LRP6: variants seen among roughly 807,000 people sequenced by gnomAD.
LRP6 encodes the protein LDL receptor related protein 6.
Under a neutral mutation model 184.1 loss-of-function variants are expected in LRP6, and 43 were observed. The ratio of observed to expected loss-of-function variants is 0.23; its 90% CI spans 0.18 to 0.30. The LOEUF (loss-of-function observed/expected upper bound fraction) is 0.30. Ranked by LOEUF, LRP6 falls within the 10% of genes least tolerant of loss-of-function variation. The probability of loss-of-function intolerance (pLI) is 1.00; values close to 1 mark genes in which losing one functional copy is unlikely to be tolerated. For missense variants in LRP6, 1,571 were observed against 2,005.3 expected (o/e 0.78, Z 4.14); for synonymous variants, 719 against 684.9 (o/e 1.05, Z -0.78).
chr12:12,160,019 A>G lies in LRP6; in HGVS notation c.2280-55T>C, dbSNP rs992576331. ...TTCAATTTTTTATTATCTGGGGGAA[A>G]GAGTCATATTCATGCAAAGTAACTA... On this transcript the variant is annotated intron_variant, in intron 10 of 22. Coordinates refer to ENST00000261349, the MANE Select transcript of LRP6 (RefSeq NM_002336.3). The G allele has an allele frequency of 7.7e-6, 10 of 1,296,996 alleles. No individual in the cohort carries two copies. In the Admixed American group the frequency reaches 1.3e-4, roughly 17 times the overall value. 80.3% of individuals were successfully genotyped at this position (1,296,996 alleles called of 1,614,324 possible).
At chr12:12,179,361 A>AAGATATATATATAGATAT (rs1420407783) in intron 7 of LRP6, among the ~76,000 whole-genome samples, 8 of 83,894 alleles carry the variant, frequency 9.5e-5, no homozygotes, top group African/African-American at 2.4e-4. Context: ...ACAGCAATAA[A>AAGATATATATATAGATAT]AGATATAGAT....
intron 1 of LRP6, among the ~76,000 whole-genome samples, chr12:12,250,136 T>C (rs1865291024): frequency 6.6e-6 from 1 of 150,766 alleles, no homozygotes. Flanking sequence ...TTTCTACTTC[T>C]AATACTTTCA....
At chr12:12,140,928 A>C (rs571281686) in intron 15 of LRP6, among the ~76,000 whole-genome samples, 14 of 152,322 alleles carry the variant, frequency 9.2e-5, no homozygotes, top group African/African-American at 3.4e-4. Context: ...CTTAAAACAA[A>C]ACATTAGCAT....
intron 1 of LRP6, among the ~76,000 whole-genome samples, chr12:12,249,826 T>G (rs1259723187): frequency 1.3e-5 from 2 of 152,188 alleles, no homozygotes; most frequent in East Asian, 3.9e-4. Context: ...TAACTTTTTG[T>G]TGGCCATCTC....
chr12:12,169,025 T>TC (rs1862959507), intron 7 of LRP6, among the ~76,000 whole-genome samples: 1 of 152,136 alleles, frequency 6.6e-6, no homozygotes, highest in Non-Finnish European at 1.5e-5. Context: ...GGTCAGGAGT[T>TC]CGAGACTAGC....
intron 19 of LRP6, among the ~76,000 whole-genome samples, chr12:12,129,560 TC>T (rs1949718260): frequency 6.6e-6 from 1 of 152,080 alleles, no homozygotes; most frequent in Non-Finnish European, 1.5e-5. Context: ...GTCTTTTTTT[TC>T]TTTTTTTTTG....
intron 2 of LRP6, among the ~76,000 whole-genome samples, chr12:12,241,132 AAC>A (rs1265894547): frequency 2.0e-5 from 3 of 152,174 alleles, no homozygotes; most frequent in Non-Finnish European, 4.4e-5. Flanking sequence ...CCAGGGCTCA[AAC>A]AATACCAGTC....
Position 12,256,792 on chromosome 12 carries a change from C to A in LRP6, c.55+9889G>T, listed in dbSNP as rs1480986050. On this transcript the variant is annotated intron_variant, in intron 1 of 22. Transcript: ENST00000261349. Reference sequence around the variant, plus strand: ...CTGCACTCCTCCTTGGGTGATGAAGCAAGACTCTGTTTCAAAAAAAACAGA... The same window carrying A: ...CTGCACTCCTCCTTGGGTGATGAAGAAAGACTCTGTTTCAAAAAAAACAGA... Among the ~76,000 whole-genome samples the A allele has an allele frequency of 2.0e-5, 3 of 152,112 alleles. No homozygotes were observed. The East Asian group carries it at 5.8e-4, about 29-fold the overall frequency.
chr12:12,126,964 CTG>C, intron 19 of LRP6, 43 bp from the exon 20 acceptor site: 1 of 1,476,440 alleles, frequency 6.8e-7, no homozygotes, highest in Non-Finnish European at 9.5e-7. Flanking sequence ...AGAAAAACAA[CTG>C]TATATTCAAA....
At chr12:12,138,585 A>G (rs369012419) in intron 15 of LRP6, 51 bp from the exon 16 acceptor site, 32 of 1,503,754 alleles carry the variant, frequency 2.1e-5, no homozygotes, top group Non-Finnish European at 3.0e-5. Flanking sequence ...GTCAAGTTAT[A>G]CTTTTGGTAA....
chr12:12,118,809 T>C lies in LRP6; in HGVS notation c.*2317A>G, dbSNP rs920413211. 2.6e-5 allele frequency: 4 copies of C among 152,084 alleles called. No homozygotes were observed. The East Asian group carries it at 5.8e-4, about 22-fold the overall frequency. 9.4% of individuals were successfully genotyped at this position (152,084 alleles called of 1,614,324 possible). On this transcript the variant is annotated 3_prime_UTR_variant, in exon 23 of 23. Transcript: ENST00000261349. The stretch of plus-strand genomic sequence containing the variant: ...ACAAATTGGCACACAAATTAGTATT[T>C]TGAAGAAGAGGCCATTGCCATCGCA...
intron 2 of LRP6, among the ~76,000 whole-genome samples, chr12:12,227,339 T>C (rs1864653846): frequency 2.0e-5 from 3 of 150,396 alleles, no homozygotes; most frequent in East Asian, 1.9e-4. Flanking sequence ...AGGTCAAAAA[T>C]AGATCTACAA....
intron 1 of LRP6, among the ~76,000 whole-genome samples, chr12:12,245,961 G>A (rs894050790): frequency 1.3e-5 from 2 of 148,518 alleles, no homozygotes; most frequent in African/African-American, 2.5e-5. Flanking sequence ...TGTGGCTAGT[G>A]TGACTACAAA....
At chr12:12,198,492 C>A (rs1863826719) in intron 3 of LRP6, among the ~76,000 whole-genome samples, 1 of 131,430 alleles carries the variant, frequency 7.6e-6, no homozygotes, top group Non-Finnish European at 1.7e-5. Context: ...TTTTTAAATT[C>A]TTTCTTAAGT....
intron 4 of LRP6, 102 bp downstream of exon 4, chr12:12,186,821 T>C (rs1460854181): frequency 2.0e-6 from 2 of 1,019,996 alleles, no homozygotes; most frequent in Non-Finnish European, 3.1e-6. Context: ...CCGCCAACTA[T>C]CTTTGGATAT....
Position 12,158,810 on chromosome 12 carries a change from G to A in LRP6, c.2791+19C>T. 1 of 1,610,262 alleles carries A rather than the reference G, an allele frequency of 6.2e-7. No individual in the cohort carries two copies. The highest frequency in any genetic ancestry group is 8.5e-7 in the Non-Finnish European group (1 of 1,176,736). ...GCTTTCTCTCATTCTAGCTTGCTTT[G>A]GAGGGAAATGCAGCTTACCACTACA... is the stretch of plus-strand genomic sequence containing the variant. On this transcript the variant is annotated intron_variant, in intron 12 of 22. Coordinates refer to ENST00000261349, the MANE Select transcript of LRP6 (RefSeq NM_002336.3).
chr12:12,162,240 C>T lies in LRP6; in HGVS notation c.2232G>A (p.Trp744Ter). The part of the protein sequence containing the change: ...LDGQHRQVLV[W>*]KDLDSPRALA... Reference sequence around the variant, plus strand: ...GAGCTCTGGGACTATCTAGGTCTTTCCACACCAAAACTTGTCGGTGCTGCC... The same window carrying T: ...GAGCTCTGGGACTATCTAGGTCTTTTCACACCAAAACTTGTCGGTGCTGCC... The change falls in exon 10 of 23, where the codon TGG becomes TGA. Residue 744 changes from tryptophan (W) to a stop codon, truncating the protein, a stop_gained. Coordinates refer to ENST00000261349, the MANE Select transcript of LRP6 (RefSeq NM_002336.3). LOFTEE classifies it high-confidence loss of function. The T allele has an allele frequency of 6.2e-7, 1 of 1,614,168 alleles. No individual in the cohort carries two copies. Among genetic ancestry groups the T allele is most frequent in the Non-Finnish European group, 8.5e-7 (1 of 1,180,028 alleles).
intron 3 of LRP6, among the ~76,000 whole-genome samples, chr12:12,192,937 A>C (rs1166916864): frequency 6.6e-6 from 1 of 152,098 alleles, no homozygotes; most frequent in Non-Finnish European, 1.5e-5. Flanking sequence ...CAATCTTTTC[A>C]CGTACACGTG....
In LRP6 at chr12:12,119,990, A is replaced by AATATAT. The variant is rs550587604; in HGVS notation, c.*1130_*1135dup. ...ACTCAGAAAACAAACAAACAAACAA[A>AATATAT]ATATATATATATATATATATATATA... On this transcript the variant is annotated 3_prime_UTR_variant, in exon 23 of 23. Coordinates refer to ENST00000261349, the MANE Select transcript of LRP6 (RefSeq NM_002336.3). 281 of 45,346 alleles carry AATATAT rather than the reference A, an allele frequency of 6.2e-3. 7 individuals are homozygous for AATATAT. The highest frequency in any genetic ancestry group is 7.9e-3 in the East Asian group (10 of 1,264). The allele number at this position is 45,346 out of a possible 1,614,324, so 2.8% of individuals were successfully genotyped here. A position where few individuals can be genotyped will look rare whatever the true frequency, so the allele number is the denominator to read the frequency against.
Sources: gnomAD v4.1 joint callset for allele counts (sites outside exome capture counted in the v4.1 genomes callset) on GRCh38, gnomAD v4.1.1 for gene constraint, MANE v1.5 for transcripts, NCBI Gene and HGNC (gene_info 2026-07-23, HGNC 2026-07-21) for gene names.